The following STK3 variants were observed in gnomAD, a reference collection of about 807,000 sequenced individuals.
The protein encoded by STK3 is serine/threonine-protein kinase 3.
STK3 carries 41 observed loss-of-function variants against 58.0 expected under a neutral mutation model. That is an observed-to-expected ratio of 0.71 (90% confidence interval 0.55 to 0.92). The LOEUF is 0.92. Ranked by LOEUF, STK3 falls within the 40% of genes least tolerant of loss-of-function variation. STK3 has a pLI of 0.00. For synonymous variants in STK3, 170 were observed against 191.0 expected (o/e 0.89, Z 0.91); for missense variants, 479 against 602.7 (o/e 0.79, Z 2.15).
At chr8:98,712,102 C>T (rs1826510253) in intron 4 of STK3, among the ~76,000 whole-genome samples, 1 of 152,134 alleles carries the variant, frequency 6.6e-6, no homozygotes, top group Admixed American at 6.5e-5. Flanking sequence ...TTGTCACCAC[C>T]AGGCCTGCCC....
chr8:98,858,366 A>C, intron 3 of STK3, among the ~76,000 whole-genome samples: 1 of 144,182 alleles, frequency 6.9e-6, no homozygotes, highest in Non-Finnish European at 1.5e-5. Context: ...AGAGACAGAG[A>C]GAGAGTATAT....
intron 1 of STK3, among the ~76,000 whole-genome samples, chr8:98,898,986 G>T (rs1264408958): frequency 6.6e-6 from 1 of 152,212 alleles, no homozygotes; most frequent in African/African-American, 2.4e-5. Context: ...TCCAGAATGG[G>T]TTGGAGTGTG....
intron 6 of STK3, among the ~76,000 whole-genome samples, chr8:98,643,011 C>A (rs1820137793): frequency 6.6e-6 from 1 of 152,040 alleles, no homozygotes; most frequent in Non-Finnish European, 1.5e-5. Flanking sequence ...TCACTTGAGC[C>A]CAGGAGTTTG....
At chr8:98,618,182 C>A (rs888856144) in intron 6 of STK3, among the ~76,000 whole-genome samples, 3 of 151,756 alleles carry the variant, frequency 2.0e-5, no homozygotes, top group East Asian at 1.9e-4. Context: ...TAAATGTAAT[C>A]CAGCATATAA....
intron 1 of STK3, among the ~76,000 whole-genome samples, chr8:98,941,383 G>A (rs1840421847): frequency 6.6e-6 from 1 of 152,146 alleles, no homozygotes; most frequent in South Asian, 2.1e-4. Context: ...AGGCTCTGGC[G>A]AAAAACGGCC....
intron 1 of STK3, among the ~76,000 whole-genome samples, chr8:98,813,156 A>G (rs781694019): frequency 1.3e-5 from 2 of 152,214 alleles, no homozygotes; most frequent in Non-Finnish European, 2.9e-5. Context: ...TATTTCATTT[A>G]ATCTTCACAA....
chr8:98,923,851 GT>G (rs1839670341), intron 1 of STK3, among the ~76,000 whole-genome samples: 1 of 115,534 alleles, frequency 8.7e-6, no homozygotes, highest in Admixed American at 9.7e-5. Flanking sequence ...GTGTGTGTGT[GT>G]GTGCGCGCGC....
At chr8:98,937,472 A>T (rs989751430) in intron 1 of STK3, among the ~76,000 whole-genome samples, 1 of 152,262 alleles carries the variant, frequency 6.6e-6, no homozygotes, top group Non-Finnish European at 1.5e-5. Flanking sequence ...GTAAGACAGA[A>T]TTCAATAAAT....
At chr8:98,565,843 T>A (rs1187910592) in intron 8 of STK3, among the ~76,000 whole-genome samples, 1 of 152,128 alleles carries the variant, frequency 6.6e-6, no homozygotes, top group African/African-American at 2.4e-5. Context: ...TGCTAAAGAT[T>A]TGGGAATATC....
chr8:98,551,791 T>C (rs949856778), intron 8 of STK3, among the ~76,000 whole-genome samples: 1 of 152,156 alleles, frequency 6.6e-6, no homozygotes, highest in African/African-American at 2.4e-5. Context: ...CGCACTGCCC[T>C]ATTCTAAAAT....
At chr8:98,722,981 C>CAA (rs201288237) in intron 4 of STK3, 200 of 379,522 alleles carry the variant, frequency 5.3e-4, no homozygotes, top group South Asian at 1.9e-3. Flanking sequence ...TTAAAACAAA[C>CAA]AAAAAAAAAA....
intron 1 of STK3, among the ~76,000 whole-genome samples, chr8:98,939,360 A>G (rs1840312200): frequency 6.6e-6 from 1 of 152,120 alleles, no homozygotes; most frequent in Non-Finnish European, 1.5e-5. Context: ...TCAAACACAG[A>G]TTGCCAGGCC....
At chr8:98,782,573 G>C (rs1444231356) in intron 1 of STK3, 2 of 302,108 alleles carry the variant, frequency 6.6e-6, no homozygotes, top group East Asian at 1.1e-4. Flanking sequence ...GCGCCTCCAG[G>C]CCAAGAAGGA....
upstream of STK3, among the ~76,000 whole-genome samples, chr8:98,390,006 C>A (rs551271776): frequency 2.0e-5 from 3 of 151,958 alleles, no homozygotes; most frequent in Admixed American, 2.0e-4. Flanking sequence ...TTTAGAACTG[C>A]GGTTAACATG....
At chr8:98,853,777 A>G (rs977287782) in intron 3 of STK3, among the ~76,000 whole-genome samples, 6 of 152,266 alleles carry the variant, frequency 3.9e-5, no homozygotes, top group African/African-American at 1.4e-4. Flanking sequence ...CAGAAGAAAT[A>G]GAAAGTCTGA....
intron 8 of STK3, among the ~76,000 whole-genome samples, chr8:98,562,974 T>C (rs549257315): frequency 6.8e-6 from 1 of 147,544 alleles, no homozygotes; most frequent in Non-Finnish European, 1.5e-5. Context: ...AAAAAAAAAA[T>C]TTAGGAGGTC....
At chr8:98,917,716 T>C (rs552690685) in intron 1 of STK3, among the ~76,000 whole-genome samples, 1 of 152,274 alleles carries the variant, frequency 6.6e-6, no homozygotes, top group Middle Eastern at 3.4e-3. Flanking sequence ...GTCTATGGTA[T>C]TCTGTTATAA....
At chr8:98,684,552 T>C (rs149462091) in intron 6 of STK3, among the ~76,000 whole-genome samples, 1 of 152,318 alleles carries the variant, frequency 6.6e-6, no homozygotes, top group African/African-American at 2.4e-5. Context: ...AGTTCATATT[T>C]CTACAGTACT....
chr8:98,802,890 C>T (rs1833647805), intron 1 of STK3, among the ~76,000 whole-genome samples: 1 of 152,212 alleles, frequency 6.6e-6, no homozygotes, highest in Non-Finnish European at 1.5e-5. Context: ...ATGTGAGCAT[C>T]TGTGTGTGTA....
Sources: gnomAD v4.1 joint callset for allele counts (sites outside exome capture counted in the v4.1 genomes callset) on GRCh38, gnomAD v4.1.1 for gene constraint, MANE v1.5 for transcripts, NCBI Gene and HGNC (gene_info 2026-07-23, HGNC 2026-07-21) for gene names.